NRDC: variants seen among roughly 807,000 people sequenced by gnomAD.
The protein encoded by NRDC is nardilysin.
NRDC carries 54 observed loss-of-function variants against 147.1 expected under a neutral mutation model. The ratio of observed to expected loss-of-function variants is 0.37; its 90% CI spans 0.29 to 0.46. The LOEUF is 0.46. Ranked by LOEUF, NRDC falls within the 20% of genes least tolerant of loss-of-function variation. The pLI is 1.00. For missense variants in NRDC, 1,082 were observed against 1,370.6 expected, an observed-to-expected ratio of 0.79 and a Z score of 3.33; for synonymous variants, 440 against 482.1, an observed-to-expected ratio of 0.91 and a Z score of 1.14.
chr1:51,806,416 C>T (rs1347470457), intron 18 of NRDC, among the ~76,000 whole-genome samples: 1 of 152,096 alleles, frequency 6.6e-6, no homozygotes, highest in Non-Finnish European at 1.5e-5. Flanking sequence ...AATCTAAAAA[C>T]GATTTCATTC....
intron 1 of NRDC, among the ~76,000 whole-genome samples, chr1:51,872,107 G>A (rs1284739058): frequency 1.3e-5 from 2 of 152,160 alleles, no homozygotes; most frequent in Admixed American, 6.5e-5. Context: ...CTGACCTCAC[G>A]TGATCCACCA....
At chr1:51,867,279 C>A (rs1682856780) in intron 1 of NRDC, among the ~76,000 whole-genome samples, 1 of 152,098 alleles carries the variant, frequency 6.6e-6, no homozygotes, top group Non-Finnish European at 1.5e-5. Context: ...TTAAAACAGG[C>A]ACTATTCTAG....
intron 1 of NRDC, among the ~76,000 whole-genome samples, chr1:51,857,498 C>T (rs747709196): frequency 9.9e-5 from 15 of 152,124 alleles, no homozygotes; most frequent in Non-Finnish European, 2.1e-4. Flanking sequence ...GATGTCATGC[C>T]CAGGAGCATG....
In NRDC at chr1:51,849,810, T is replaced by C. The variant is rs566881622; in HGVS notation, c.342-9296A>G. On this transcript the variant is annotated intron_variant, in intron 1 of 30. Coordinates refer to ENST00000352171, the MANE Select transcript of NRDC (RefSeq NM_001101662.2). ...CAGCCGGGGCGACAGAGCGAGACTC[T>C]GTCTCAAAAACAAAAAAAAAGAAAG... Among the ~76,000 whole-genome samples, 245 of 151,426 alleles carry C rather than the reference T, an allele frequency of 1.6e-3. 1 individual carries two copies. The highest frequency in any genetic ancestry group is 3.1e-3 in the Non-Finnish European group (210 of 67,898).
chr1:51,815,396 G>A (rs1205889748), intron 11 of NRDC, among the ~76,000 whole-genome samples: 1 of 152,056 alleles, frequency 6.6e-6, no homozygotes, highest in African/African-American at 2.4e-5. Context: ...AATGTCAAGT[G>A]AGTTCTTTGA....
At chr1:51,824,294 T>G (rs1680346873) in intron 6 of NRDC, among the ~76,000 whole-genome samples, 1 of 151,976 alleles carries the variant, frequency 6.6e-6, no homozygotes, top group African/African-American at 2.4e-5. Flanking sequence ...CCCAGCTAAT[T>G]TTTGTATTTT....
intron 1 of NRDC, among the ~76,000 whole-genome samples, chr1:51,847,171 C>T (rs752518450): frequency 6.6e-6 from 1 of 152,204 alleles, no homozygotes; most frequent in East Asian, 1.9e-4. Flanking sequence ...AATTCACAAA[C>T]CCTGAGCTAG....
chr1:51,846,954 T>C (rs544753515), intron 1 of NRDC, among the ~76,000 whole-genome samples: 36 of 152,248 alleles, frequency 2.4e-4, no homozygotes, highest in African/African-American at 8.7e-4. Context: ...AGAGTGCTGA[T>C]TGGTGCATTT....
rs747283256 is a variant in NRDC at position 51,840,239 on chromosome 1, G to GT, written c.616dup (p.Thr206AsnfsTer3). On this transcript the variant is annotated frameshift_variant, in exon 2 of 31. Coordinates refer to ENST00000352171, the MANE Select transcript of NRDC (RefSeq NM_001101662.2). LOFTEE classifies it high-confidence loss of function. ...CATGACTCGCACCTGTTTTTCAGTA[G>GT]TTTTTTTTCTAGCTTCTGCTCTCTC... 17 of 1,593,764 alleles carry GT rather than the reference G, an allele frequency of 1.1e-5. No individual in the cohort carries two copies. The highest frequency in any genetic ancestry group is 3.6e-5 in the Admixed American group (2 of 56,058).
At chr1:51,870,849 ACTGT>A (rs766755632) in intron 1 of NRDC, among the ~76,000 whole-genome samples, 4 of 152,016 alleles carry the variant, frequency 2.6e-5, no homozygotes, top group African/African-American at 4.8e-5. Flanking sequence ...GTAATCTATT[ACTGT>A]CTGTATCTTC....
chr1:51,792,720 A>G (rs747575718), intron 24 of NRDC, among the ~76,000 whole-genome samples: 1 of 152,208 alleles, frequency 6.6e-6, no homozygotes, highest in Non-Finnish European at 1.5e-5. Context: ...ACACATTCTA[A>G]AATTAAGTAC....
At chr1:51,830,750 T>C (rs909962325) in intron 4 of NRDC, among the ~76,000 whole-genome samples, 2 of 152,226 alleles carry the variant, frequency 1.3e-5, no homozygotes, top group African/African-American at 4.8e-5. Context: ...AGTTCAAATT[T>C]ACTGAAAATA....
intron 1 of NRDC, among the ~76,000 whole-genome samples, chr1:51,876,078 G>A (rs1292504112): frequency 6.6e-6 from 1 of 152,124 alleles, no homozygotes. Context: ...GTCAGTAAAT[G>A]AAATAACACA....
chr1:51,858,489 A>AG (rs1412285269), intron 1 of NRDC, among the ~76,000 whole-genome samples: 1 of 151,306 alleles, frequency 6.6e-6, no homozygotes, highest in Non-Finnish European at 1.5e-5. Flanking sequence ...AAAAAAAAAA[A>AG]GGCAAATAAA....
chr1:51,833,078 A>T lies in NRDC; in HGVS notation c.866+939T>A, dbSNP rs1224564026. On this transcript the variant is annotated intron_variant, in intron 4 of 30. Coordinates refer to ENST00000352171, the MANE Select transcript of NRDC (RefSeq NM_001101662.2). ...AATATAGATGGGTCTATACCAAAAC[A>T]TTAATGGTGGTTATCTCTAGATTAT... is the stretch of plus-strand genomic sequence containing the variant. Among the ~76,000 whole-genome samples, 4 of 152,216 alleles carry T rather than the reference A, an allele frequency of 2.6e-5. No homozygotes were observed. The East Asian group carries it at 7.7e-4, about 29-fold the overall frequency.
rs754041972 is a variant in NRDC at position 51,878,344 on chromosome 1, C to A, written c.272G>T (p.Arg91Leu). ...LGADESEEEG[R>L]RGSLSNAGDP... ...CCCAGCATTACTGAGAGACCCCCTC[C>A]GTCCCTCTTCCTCAGATTCATCCGC... The change falls in exon 1 of 31, where the codon CGG (arginine) becomes CTG (leucine). Residue 91 changes from arginine to leucine, a missense_variant. Transcript: ENST00000352171. 1.2e-6 allele frequency: 2 copies of A among 1,614,196 alleles called. No homozygotes were observed. Among genetic ancestry groups the A allele is most frequent in the Non-Finnish European group, 1.7e-6 (2 of 1,180,028 alleles).
chr1:51,811,480 T>C (rs1199272197), intron 15 of NRDC, among the ~76,000 whole-genome samples: 1 of 152,186 alleles, frequency 6.6e-6, no homozygotes, highest in Non-Finnish European at 1.5e-5. Flanking sequence ...CGCGCTAGCC[T>C]GTATGAAACA....
rs1680404912 is a variant in NRDC, at chr1:51,825,492, T to C, written c.941-110A>G. The C allele has an allele frequency of 3.7e-6, 3 of 812,250 alleles. No homozygotes were observed. In the East Asian group the frequency reaches 8.6e-5, roughly 23 times the overall value. The allele number at this position is 812,250 out of a possible 1,614,324, so 50.3% of individuals were successfully genotyped here. A position where few individuals can be genotyped will look rare whatever the true frequency, so the allele number is the denominator to read the frequency against. On this transcript the variant is annotated intron_variant, in intron 5 of 30. Transcript: ENST00000352171. ...CAAGGAATTAACAAAATTAACTTCATGAATCACGTGTTATAAGACTGAAGT... is the reference window on the plus strand; with the variant it reads ...CAAGGAATTAACAAAATTAACTTCACGAATCACGTGTTATAAGACTGAAGT...
intron 6 of NRDC, among the ~76,000 whole-genome samples, chr1:51,824,023 AAC>A (rs1680331269): frequency 6.6e-6 from 1 of 152,212 alleles, no homozygotes; most frequent in Non-Finnish European, 1.5e-5. Context: ...ACCTTAAAAA[AAC>A]AGACAATAAC....
Sources: allele counts gnomAD v4.1 joint callset (sites outside exome capture counted in the v4.1 genomes callset), GRCh38; gene constraint gnomAD v4.1.1; transcripts MANE v1.5; gene names NCBI Gene and HGNC (gene_info 2026-07-23, HGNC 2026-07-21).